ZNF831: variants seen among roughly 807,000 people sequenced by gnomAD.
ZNF831 encodes the protein chromosome 20 open reading frame 174.
Under a neutral mutation model 95.8 loss-of-function variants are expected in ZNF831, and 59 were observed. The ratio of observed to expected loss-of-function variants is 0.62; its 90% CI spans 0.50 to 0.77. The LOEUF is 0.77. ZNF831 is among the 30% of genes least tolerant of loss of function. The pLI is 0.00. For missense variants in ZNF831, 2,205 were observed against 2,164.0 expected (o/e 1.02, Z -0.38); for synonymous variants, 961 against 925.5 (o/e 1.04, Z -0.70).
intron 2 of ZNF831, among the ~76,000 whole-genome samples, chr20:59,152,367 G>A (rs977740346): frequency 6.6e-6 from 1 of 152,134 alleles, no homozygotes; most frequent in Non-Finnish European, 1.5e-5. Flanking sequence ...GGTTGAGGAG[G>A]CAGCGAGTAG....
At chr20:59,141,975 T>C (rs1329266240) in intron 1 of ZNF831, among the ~76,000 whole-genome samples, 1 of 152,176 alleles carries the variant, frequency 6.6e-6, no homozygotes, top group Non-Finnish European at 1.5e-5. Flanking sequence ...TGGCTCTACG[T>C]GTCTGGGGAA....
At position 59,136,849 on chromosome 20, in the gene ZNF831, T is replaced by C. The variant is rs183106312; in HGVS notation, c.-1424-9382T>C. On this transcript the variant is annotated intron_variant, in intron 1 of 7. Coordinates refer to the ZNF831 transcript ENST00000637017. ...GTTACCCGGAATAGAAATAAAACTT[T>C]CTACCTTCTCTTGCAGCTAGGGATG... Among the ~76,000 whole-genome samples the C allele has an allele frequency of 2.0e-5, 3 of 152,342 alleles. No individual in the cohort carries two copies. In the East Asian group the frequency reaches 5.8e-4, roughly 29 times the overall value.
chr20:59,179,302 G>C (rs113150119), intron 1 of ZNF831, among the ~76,000 whole-genome samples: 7 of 152,278 alleles, frequency 4.6e-5, no homozygotes, highest in African/African-American at 1.7e-4. Context: ...CTCTCTGGTT[G>C]AAGCCTGACC....
chr20:59,200,653 C>G (rs1274419538), intron 3 of ZNF831, among the ~76,000 whole-genome samples: 1 of 152,162 alleles, frequency 6.6e-6, no homozygotes, highest in African/African-American at 2.4e-5. Context: ...CCTTCCATCC[C>G]CAGGTAACCG....
rs2146767471 is a variant in ZNF831, at chr20:59,254,301, G to A, written c.4592G>A (p.Ser1531Asn). 2 of 1,614,032 alleles carry A rather than the reference G, an allele frequency of 1.2e-6. No homozygotes were observed. The highest frequency in any genetic ancestry group is 1.7e-6 in the Non-Finnish European group (2 of 1,179,988). The change falls in exon 6 of 6, where the codon AGC becomes AAC. Residue 1531 changes from serine to asparagine, a missense_variant. Physicochemically the swap from Ser to Asn is conservative, Grantham distance 46 (BLOSUM62 1). Transcript: ENST00000371030. The surrounding 1 kb of genome is among the most constrained non-coding windows in gnomAD (Gnocchi z 4.5). ...ACTCTGACATCAAGCTCCCCAGACAGCAAAGTCACAGAAGAGGGCAGAGCA... is the reference window on the plus strand; with the variant it reads ...ACTCTGACATCAAGCTCCCCAGACAACAAAGTCACAGAAGAGGGCAGAGCA... ...GRTLTSSSPDSKVTEEGRAQT... is the reference protein window; with the variant it reads ...GRTLTSSSPDNKVTEEGRAQT...
intron 4 of ZNF831, among the ~76,000 whole-genome samples, chr20:59,227,442 G>A (rs1160737965): frequency 2.6e-5 from 4 of 152,164 alleles, no homozygotes; most frequent in Non-Finnish European, 5.9e-5. Flanking sequence ...TGACTCAGAT[G>A]TAACATTTGG....
rs1983869188 is a variant in ZNF831 at position 59,194,112 on chromosome 20, C to T, written c.3093C>T (p.Ala1031=). Reference sequence around the variant, plus strand: ...GGGGGGACAAGGGGGACAGGATGGCCACTAGCAGGCCAGCAGCCAGGGAGT... The same window carrying T: ...GGGGGGACAAGGGGGACAGGATGGCTACTAGCAGGCCAGCAGCCAGGGAGT... ...QLGGDKGDRM[A]TSRPAARELP... Residue 1031 remains alanine, a synonymous_variant, in exon 2 of 6, where the codon GCC becomes GCT. Transcript: ENST00000371030. The T allele has an allele frequency of 6.4e-7, 1 of 1,554,964 alleles. No homozygotes were observed. The highest frequency in any genetic ancestry group is 1.8e-5 in the Admixed American group (1 of 54,128).
intron 1 of ZNF831, among the ~76,000 whole-genome samples, chr20:59,140,330 A>C (rs190854391): frequency 6.6e-6 from 1 of 152,274 alleles, no homozygotes; most frequent in East Asian, 1.9e-4. Flanking sequence ...ACTGGAGAAG[A>C]GCTAGAGTTT....
At chr20:59,155,510 C>T (rs1455677312) in intron 2 of ZNF831, among the ~76,000 whole-genome samples, 2 of 152,174 alleles carry the variant, frequency 1.3e-5, no homozygotes, top group South Asian at 2.1e-4. Context: ...GTCAACTTTT[C>T]TTGCTCTGTG....
chr20:59,131,843 G>A (rs146203476), intron 1 of ZNF831, among the ~76,000 whole-genome samples: 78 of 152,368 alleles, frequency 5.1e-4, no homozygotes, highest in Non-Finnish European at 9.8e-4. Flanking sequence ...CAGGTCTTTA[G>A]AGTGCTGGCA....
At chr20:59,209,077 TC>T (rs1985109707) in intron 4 of ZNF831, among the ~76,000 whole-genome samples, 1 of 152,198 alleles carries the variant, frequency 6.6e-6, no homozygotes, top group Non-Finnish European at 1.5e-5. Flanking sequence ...TGACCCACTG[TC>T]CACCCCTTAG....
intron 4 of ZNF831, among the ~76,000 whole-genome samples, chr20:59,237,286 G>C (rs1987050114): frequency 6.6e-6 from 1 of 152,134 alleles, no homozygotes; most frequent in African/African-American, 2.4e-5. Context: ...CTTCCTAAGA[G>C]GATAGCAGGG....
chr20:59,222,472 G>GGCTCT (rs1986148471), intron 4 of ZNF831, among the ~76,000 whole-genome samples: 1 of 152,038 alleles, frequency 6.6e-6, no homozygotes, highest in Non-Finnish European at 1.5e-5. Flanking sequence ...AGAGAAGAAA[G>GGCTCT]GCTCTGTTTT....
Position 59,191,074 on chromosome 20 carries a change from C to T in ZNF831, c.55C>T (p.Pro19Ser), listed in dbSNP as rs1983461162. 1 of 1,521,950 alleles carries T rather than the reference C, an allele frequency of 6.6e-7. No individual in the cohort carries two copies. The allele number at this position is 1,521,950 out of a possible 1,614,324, so 94.3% of individuals were successfully genotyped here. The change falls in exon 2 of 6, where the codon CCC becomes TCC. Residue 19 changes from proline to serine, a missense_variant. Coordinates refer to ENST00000371030, the MANE Select transcript of ZNF831 (RefSeq NM_178457.3). ...CCCTCCTGCGAGGGACCAGCCAGCTCCCACTCCTGGCCCTCCAGGGGCCCC... is the reference window on the plus strand; with the variant it reads ...CCCTCCTGCGAGGGACCAGCCAGCTTCCACTCCTGGCCCTCCAGGGGCCCC... ...PAPPARDQPAPTPGPPGAPGG... is the reference protein window; with the variant it reads ...PAPPARDQPASTPGPPGAPGG...
chr20:59,148,427 AT>A (rs1980003158), intron 2 of ZNF831, among the ~76,000 whole-genome samples: 3 of 117,014 alleles, frequency 2.6e-5, no homozygotes, highest in Admixed American at 7.6e-5. Context: ...CACGCCTGTA[AT>A]CCCAGCACTT....
At chr20:59,236,326 G>A (rs1437005972) in intron 4 of ZNF831, among the ~76,000 whole-genome samples, 2 of 152,092 alleles carry the variant, frequency 1.3e-5, no homozygotes, top group Non-Finnish European at 2.9e-5. Flanking sequence ...TCCTCTCCCA[G>A]GTACAGAGGA....
rs1208927640 is a variant in ZNF831, at chr20:59,163,854, A to G, written c.-390A>G. 6.6e-6 allele frequency among the ~76,000 whole-genome samples: 1 copy of G among 151,822 alleles called. No individual in the cohort carries two copies. The highest frequency in any genetic ancestry group is 2.4e-5 in the African/African-American group (1 of 41,296). On this transcript the variant is annotated 5_prime_UTR_variant, in exon 1 of 6. Transcript: ENST00000371030. The stretch of plus-strand genomic sequence containing the variant: ...TTTTATCTCTGCTTGAGTCTCTTCC[A>G]GGTTGCTTGAAATGGTGCTTTTCTC...
intron 2 of ZNF831, among the ~76,000 whole-genome samples, chr20:59,147,459 A>T (rs1284530406): frequency 6.6e-6 from 1 of 152,240 alleles, no homozygotes; most frequent in Non-Finnish European, 1.5e-5. Flanking sequence ...TGTATCCGTT[A>T]ATCTCCTCAC....
chr20:59,223,749 G>A (rs1476142565), intron 4 of ZNF831, among the ~76,000 whole-genome samples: 1 of 152,226 alleles, frequency 6.6e-6, no homozygotes, highest in African/African-American at 2.4e-5. Flanking sequence ...TATTCATCTA[G>A]CTCTACGGGG....
Sources: allele counts gnomAD v4.1 joint callset (sites outside exome capture counted in the v4.1 genomes callset), GRCh38; gene constraint gnomAD v4.1.1; non-coding constraint Gnocchi (gnomAD v3.1); transcripts MANE v1.5; gene names NCBI Gene and HGNC (gene_info 2026-07-23, HGNC 2026-07-21).